Variants in CYP11A1 observed in about 807,000 individuals in gnomAD.
CYP11A1 encodes cytochrome P450 family 11 subfamily A member 1, also known as cholesterol side-chain cleavage enzyme, mitochondrial.
CYP11A1 carries 25 observed loss-of-function variants against 51.9 expected under a neutral mutation model. The ratio of observed to expected loss-of-function variants is 0.48; its 90% CI spans 0.35 to 0.67. The LOEUF (loss-of-function observed/expected upper bound fraction) is 0.67. CYP11A1 is among the 30% of genes least tolerant of loss of function. The probability of loss-of-function intolerance (pLI) is 0.00; values close to 1 mark genes in which losing one functional copy is unlikely to be tolerated. For missense variants in CYP11A1, 578 were observed against 680.9 expected (o/e 0.85, Z 1.68); for synonymous variants, 245 against 262.1 (o/e 0.93, Z 0.63).
At chr15:74,362,844 G>A (rs1225902036) in intron 1 of CYP11A1, 1 of 152,308 alleles carries the variant, frequency 6.6e-6, no homozygotes, top group East Asian at 1.9e-4. Context: ...TTTGCAGCCA[G>A]CCTTATACAT....
rs113626801 is a variant in CYP11A1 at position 74,343,726 on chromosome 15, G to A, written c.829+63C>T. On this transcript the variant is annotated intron_variant, in intron 4 of 8. Transcript: ENST00000268053. ...GTCAGCGCCCATTGACATAGCGTGG[G>A]ACAAAGGAGCCGGCTGAGGCCTGGG... 1.4e-5 allele frequency: 20 copies of A among 1,455,376 alleles called. No individual in the cohort carries two copies. The African/African-American group carries it at 1.4e-4, about 10-fold the overall frequency. The allele number at this position is 1,455,376 out of a possible 1,614,324, so 90.2% of individuals were successfully genotyped here.
intron 5 of CYP11A1, among the ~76,000 whole-genome samples, chr15:74,342,350 G>A (rs1038636257): frequency 3.3e-5 from 5 of 152,182 alleles, no homozygotes; most frequent in African/African-American, 1.2e-4. Flanking sequence ...CCAAAGTGCT[G>A]GGATTACAGG....
intron 1 of CYP11A1, chr15:74,362,232 C>T: frequency 2.5e-6 from 1 of 397,850 alleles, no homozygotes; most frequent in Non-Finnish European, 4.5e-6. Context: ...TAAATAACAA[C>T]AAAAAATTGT....
At chr15:74,355,762 A>G (rs751476504) in intron 1 of CYP11A1, among the ~76,000 whole-genome samples, 9 of 152,218 alleles carry the variant, frequency 5.9e-5, no homozygotes, top group South Asian at 2.1e-4. Flanking sequence ...GTCAAGGTTA[A>G]TGCTCCTTTT....
intron 5 of CYP11A1, among the ~76,000 whole-genome samples, chr15:74,342,055 C>T (rs191173308): frequency 8.5e-5 from 13 of 152,314 alleles, no homozygotes; most frequent in African/African-American, 3.1e-4. Flanking sequence ...TACACCCCTC[C>T]CCTCTGAGCC....
intron 3 of CYP11A1, chr15:74,344,830 T>A (rs1316486813): frequency 3.2e-6 from 2 of 618,706 alleles, no homozygotes; most frequent in African/African-American, 1.8e-5. Context: ...GAATGCCAGA[T>A]GAGAGAACCC....
At chr15:74,357,282 G>A (rs1229026293) in intron 1 of CYP11A1, among the ~76,000 whole-genome samples, 3 of 152,316 alleles carry the variant, frequency 2.0e-5, no homozygotes, top group South Asian at 2.1e-4. Context: ...TACCTGGGCT[G>A]TACTGCTGCA....
At position 74,344,997 on chromosome 15, in the gene CYP11A1, T is replaced by C. The variant is rs1165851228; in HGVS notation, c.625+47A>G. On this transcript the variant is annotated intron_variant, in intron 3 of 8. Transcript: ENST00000268053. ...TCAAGGTAAGAGAGTGAACACTGAG[T>C]CCTCCCACCCCCATGCCCACTGCCA... 3.2e-6 allele frequency: 5 copies of C among 1,542,756 alleles called. No homozygotes were observed. The African/African-American group carries it at 5.5e-5, about 17-fold the overall frequency.
chr15:74,338,106 G>T lies in CYP11A1; in HGVS notation c.1435-3C>A. 1.2e-6 allele frequency: 2 copies of T among 1,614,190 alleles called. No homozygotes were observed. Among genetic ancestry groups the T allele is most frequent in the East Asian group, 4.5e-5 (2 of 44,888 alleles). ...TCAACTCTGAAGTTCTCCAGCATCT[G>T]AGAAAGGCAGATGGTAGGTTTAGGG... is the stretch of plus-strand genomic sequence containing the variant. On this transcript the variant is annotated splice_polypyrimidine_tract_variant and splice_region_variant and intron_variant, in intron 8 of 8. Coordinates refer to ENST00000268053, the MANE Select transcript of CYP11A1 (RefSeq NM_000781.3).
intron 1 of CYP11A1, chr15:74,359,699 C>T (rs2060698370): frequency 6.6e-6 from 1 of 152,260 alleles, no homozygotes; most frequent in Non-Finnish European, 1.5e-5. Context: ...TCTTTACGGA[C>T]TTAGCCCACC....
At chr15:74,342,531 G>A (rs1270917069) in intron 5 of CYP11A1, among the ~76,000 whole-genome samples, 4 of 152,202 alleles carry the variant, frequency 2.6e-5, no homozygotes, top group Admixed American at 2.6e-4. Context: ...AAAAGACCAT[G>A]GACGGCAGAG....
chr15:74,365,706 C>T (rs1401166553), intron 1 of CYP11A1: 4 of 985,392 alleles, frequency 4.1e-6, no homozygotes, highest in African/African-American at 1.7e-5. Context: ...TCCGGCCGCG[C>T]GGACGTCACC....
chr15:74,365,873 C>G lies in CYP11A1; in HGVS notation c.269+1444G>C, dbSNP rs535206224. The G allele has an allele frequency of 8.1e-6, 8 of 985,478 alleles. No individual in the cohort carries two copies. In the East Asian group the frequency reaches 6.8e-4, roughly 84 times the overall value. The allele number at this position is 985,478 out of a possible 1,614,324, so 61.0% of individuals were successfully genotyped here. A position where few individuals can be genotyped will look rare whatever the true frequency, so the allele number is the denominator to read the frequency against. ...TCGCTCCCTGCTTCGCCGCCGCCTC[C>G]TGGCAGGGCCAGCGAAGCCAGTGCT... On this transcript the variant is annotated intron_variant, in intron 1 of 8. Transcript: ENST00000268053.
chr15:74,354,413 C>T (rs1169138160), intron 1 of CYP11A1: 1 of 151,850 alleles, frequency 6.6e-6, no homozygotes, highest in Non-Finnish European at 1.5e-5. Flanking sequence ...TCCTATAAAA[C>T]AGCCCCACCC....
chr15:74,343,940 C>T lies in CYP11A1; in HGVS notation c.678G>A (p.Val226=), dbSNP rs201606638. The change falls in exon 4 of 9, where the codon GTG becomes GTA. Residue 226 remains valine, a synonymous_variant. Coordinates refer to ENST00000268053, the MANE Select transcript of CYP11A1 (RefSeq NM_000781.3). ...GERQGMLEEV[V]NPEAQRFIDA... ...CAATGAATCGCTGGGCCTCGGGGTTCACTACTTCCTCCAGCATCCCCTGGC... is the reference window on the plus strand; with the variant it reads ...CAATGAATCGCTGGGCCTCGGGGTTTACTACTTCCTCCAGCATCCCCTGGC... The T allele has an allele frequency of 1.9e-6, 3 of 1,614,106 alleles. No homozygotes were observed. Among genetic ancestry groups the T allele is most frequent in the Non-Finnish European group, 2.5e-6 (3 of 1,180,034 alleles).
In CYP11A1 at chr15:74,358,419, C is replaced by G. The variant is rs181221630; in HGVS notation, c.269+8898G>C. Among the ~76,000 whole-genome samples, 240 of 152,294 alleles carry G rather than the reference C, an allele frequency of 1.6e-3. 5 individuals carry two copies. Among genetic ancestry groups the G allele is most frequent in the Non-Finnish European group, 1.9e-3 (131 of 68,016 alleles). On this transcript the variant is annotated intron_variant, in intron 1 of 8. Coordinates refer to ENST00000268053, the MANE Select transcript of CYP11A1 (RefSeq NM_000781.3). The stretch of plus-strand genomic sequence containing the variant: ...TTCTATTCTGTCGTCATTTCATAAC[C>G]TCTTCCATGTAGGTTACAAGCCACT...
At chr15:74,352,252 T>C (rs1418479176) in intron 1 of CYP11A1, among the ~76,000 whole-genome samples, 1 of 151,002 alleles carries the variant, frequency 6.6e-6, no homozygotes. Context: ...ATTTTATGTT[T>C]GTCTTTGCTA....
At chr15:74,355,954 C>T (rs2141242472) in intron 1 of CYP11A1, among the ~76,000 whole-genome samples, 1 of 152,318 alleles carries the variant, frequency 6.6e-6, no homozygotes, top group South Asian at 2.1e-4. Flanking sequence ...CAGCCCCTGA[C>T]ATTAGAAAAA....
At chr15:74,344,967 G>T in intron 3 of CYP11A1, 77 bp downstream of exon 3, 2 of 1,344,632 alleles carry the variant, frequency 1.5e-6, no homozygotes, top group Non-Finnish European at 2.1e-6. Context: ...GGTCTGTACT[G>T]AACCTCAAGG....
Sources: allele counts gnomAD v4.1 joint callset (sites outside exome capture counted in the v4.1 genomes callset), GRCh38; gene constraint gnomAD v4.1.1; transcripts MANE v1.5; gene names NCBI Gene and HGNC (gene_info 2026-07-23, HGNC 2026-07-21).